The following LRRC37A2 variants were observed in gnomAD, a reference collection of about 807,000 sequenced individuals.
LRRC37A2 encodes the protein leucine-rich repeat-containing protein 37A2.
LRRC37A2 carries 9 observed loss-of-function variants against 68.8 expected under a neutral mutation model. That is an observed-to-expected ratio of 0.13 (90% CI 0.08 to 0.23). The LOEUF is 0.23. Among genes scored for constraint, LRRC37A2 ranks in the 10% least tolerant of loss-of-function variants. The pLI, the probability that LRRC37A2 is intolerant of heterozygous loss-of-function variation, is 1.00. For missense variants in LRRC37A2, 168 were observed against 950.4 expected, an observed-to-expected ratio of 0.18 and a Z score of 10.82; for synonymous variants, 63 against 367.6, an observed-to-expected ratio of 0.17 and a Z score of 9.48.
chr17:46,848,670 G>A, the LRRC37A2 span, among the ~76,000 whole-genome samples: 1 of 152,358 alleles, frequency 6.6e-6, no homozygotes, highest in East Asian at 1.9e-4. Context: ...TAATGCAAAG[G>A]TGTCTGTGAG....
the LRRC37A2 span, among the ~76,000 whole-genome samples, chr17:46,832,278 C>A: frequency 6.6e-6 from 1 of 152,156 alleles, no homozygotes; most frequent in Non-Finnish European, 1.5e-5. Flanking sequence ...TCGGAGCCCC[C>A]ACCCCGGGCC....
the LRRC37A2 span, among the ~76,000 whole-genome samples, chr17:47,012,596 T>C: frequency 9.9e-5 from 15 of 152,274 alleles, no homozygotes; most frequent in African/African-American, 3.6e-4. Context: ...TTCCCAAAGA[T>C]ATACAATGGC....
the LRRC37A2 span, chr17:46,929,551 C>T: frequency 8.9e-6 from 14 of 1,566,236 alleles, no homozygotes; most frequent in South Asian, 2.2e-5. Flanking sequence ...TTGCATGGGA[C>T]GCCTGGAGAC....
At chr17:46,894,555 A>G in the LRRC37A2 span, among the ~76,000 whole-genome samples, 66 of 152,228 alleles carry the variant, frequency 4.3e-4, no homozygotes, top group African/African-American at 1.5e-3. Context: ...TGCCCTCCCC[A>G]TGGGGCGGAA....
chr17:46,976,783 A>G, the LRRC37A2 span, among the ~76,000 whole-genome samples: 110,614 of 151,786 alleles, frequency 0.73, 41,208 homozygotes, highest in Non-Finnish European at 0.8. Context: ...CAAACCACTG[A>G]GGGCAGCCCA....
chr17:46,820,796 T>C, the LRRC37A2 span, among the ~76,000 whole-genome samples: 1 of 152,236 alleles, frequency 6.6e-6, no homozygotes, highest in East Asian at 1.9e-4. Flanking sequence ...TGATCAGAGC[T>C]GCCTGCTGGA....
the LRRC37A2 span, among the ~76,000 whole-genome samples, chr17:46,908,192 G>C: frequency 7.2e-3 from 1,014 of 140,990 alleles, no homozygotes; most frequent in Non-Finnish European, 8.7e-3. Flanking sequence ...CTCCCCCACC[G>C]CCCCCCTCAC....
At chr17:46,935,155 A>G in the LRRC37A2 span, 3 of 1,614,144 alleles carry the variant, frequency 1.9e-6, no homozygotes, top group Non-Finnish European at 2.5e-6. Flanking sequence ...GAGGACCCAG[A>G]GACTGACCTT....
intron 6 of LRRC37A2, among the ~76,000 whole-genome samples, chr17:46,539,768 C>CAAAAAAAACA (rs2054949175): frequency 1.5e-5 from 1 of 67,036 alleles, no homozygotes; most frequent in Non-Finnish European, 2.7e-5. Flanking sequence ...GACTCCATCT[C>CAAAAAAAACA]AAAAAAAAAA....
chr17:46,542,710 T>C (rs1181222030), intron 8 of LRRC37A2, among the ~76,000 whole-genome samples: 1 of 150,146 alleles, frequency 6.7e-6, no homozygotes, highest in Non-Finnish European at 1.5e-5. Flanking sequence ...TATATATATT[T>C]ATATATATGT....
the LRRC37A2 span, chr17:46,876,305 G>A: frequency 6.6e-5 from 107 of 1,614,068 alleles, 1 homozygote; most frequent in Middle Eastern, 1.2e-3. Context: ...CTCCTGTGCC[G>A]TGCGCACCTG....
chr17:47,022,043 C>CA, the LRRC37A2 span: 1 of 853,512 alleles, frequency 1.2e-6, no homozygotes, highest in Non-Finnish European at 1.9e-6. Context: ...CCAAATCAAC[C>CA]ACTGTTGACT....
chr17:46,997,023 T>C, the LRRC37A2 span, among the ~76,000 whole-genome samples: 1 of 152,178 alleles, frequency 6.6e-6, no homozygotes, highest in Non-Finnish European at 1.5e-5. Flanking sequence ...GTAATCCAGC[T>C]AATAAATGAA....
At chr17:46,752,736 A>C in the LRRC37A2 span, among the ~76,000 whole-genome samples, 1 of 151,958 alleles carries the variant, frequency 6.6e-6, no homozygotes, top group African/African-American at 2.4e-5. Context: ...GATTACAGGC[A>C]TGCACCACTA....
chr17:46,931,159 A>C, the LRRC37A2 span: 4 of 1,611,616 alleles, frequency 2.5e-6, no homozygotes, highest in Non-Finnish European at 3.4e-6. Context: ...GAACGTCTGG[A>C]GATTTTGTCC....
At chr17:46,872,751 C>G in the LRRC37A2 span, 1 of 1,605,292 alleles carries the variant, frequency 6.2e-7, no homozygotes, top group East Asian at 2.2e-5. Context: ...GCCTGGAGGG[C>G]AGGATGGGCC....
At chr17:46,930,667 TAAA>T in the LRRC37A2 span, 42 of 146,788 alleles carry the variant, frequency 2.9e-4, no homozygotes, top group South Asian at 3.2e-3. Context: ...TTTTTTTAAA[TAAA>T]AAAAAAAAAA....
the LRRC37A2 span, among the ~76,000 whole-genome samples, chr17:46,878,348 G>A: frequency 1.3e-5 from 2 of 152,176 alleles, no homozygotes; most frequent in African/African-American, 2.4e-5. Context: ...ACAAAGGCCC[G>A]CTGACTGTGC....
At chr17:46,766,660 G>GC in the LRRC37A2 span, among the ~76,000 whole-genome samples, 1 of 152,094 alleles carries the variant, frequency 6.6e-6, no homozygotes, top group African/African-American at 2.4e-5. Flanking sequence ...TGAGTGAGTC[G>GC]CCCCTCAGCC....
Sources: allele counts gnomAD v4.1 joint callset (sites outside exome capture counted in the v4.1 genomes callset), GRCh38; gene constraint gnomAD v4.1.1; transcripts MANE v1.5; gene names NCBI Gene and HGNC (gene_info 2026-07-23, HGNC 2026-07-21).